The following SEC14L1 variants were observed in gnomAD, a reference collection of about 807,000 sequenced individuals.
SEC14L1 encodes the protein SEC14 like lipid binding 1, also known as SEC14-like protein 1.
Under a neutral mutation model 85.3 loss-of-function variants are expected in SEC14L1, and 48 were observed. The observed-to-expected ratio is 0.56, with a 90% CI of 0.45 to 0.72. The LOEUF is 0.72. Ranked by LOEUF, SEC14L1 falls within the 30% of genes least tolerant of loss-of-function variation. SEC14L1 has a pLI of 0.00. For synonymous variants in SEC14L1, 391 were observed against 355.5 expected (o/e 1.10, Z -1.12); for missense variants, 682 against 921.4 (o/e 0.74, Z 3.36).
Position 77,174,728 on chromosome 17 carries a change from G to T in SEC14L1, c.64-16075G>T, listed in dbSNP as rs189651572. ...AGAGGAGAATGGGAATCCTGGATGG[G>T]CCCCCAGATTGTTGGGAACAAGTAA... On this transcript the variant is annotated intron_variant, in intron 3 of 16. Transcript: ENST00000436233. Among the ~76,000 whole-genome samples the T allele has an allele frequency of 4.3e-3, 658 of 152,248 alleles. 8 individuals carry two copies. The highest frequency in any genetic ancestry group is 0.015 in the African/African-American group (625 of 41,548).
chr17:77,149,505 G>A (rs1973460990), intron 3 of SEC14L1, among the ~76,000 whole-genome samples: 1 of 152,058 alleles, frequency 6.6e-6, no homozygotes, highest in Admixed American at 6.6e-5. Flanking sequence ...AGACCAACTT[G>A]GGCAACATAG....
chr17:77,203,428 G>T (rs757038041), intron 9 of SEC14L1, 142 bp from the exon 10 acceptor site: 5 of 680,206 alleles, frequency 7.4e-6, no homozygotes, highest in Non-Finnish European at 1.3e-5. Flanking sequence ...ACACAAATCA[G>T]TTGCCACTTC....
At position 77,216,474 on chromosome 17, in the gene SEC14L1, T is replaced by A; in HGVS notation, c.*2451T>A. ...GTAGCGCGTCTGTGCTGCTTCCACC[T>A]GGTGCTTCCTGTTCCCAAATCACAA... On this transcript the variant is annotated 3_prime_UTR_variant, in exon 17 of 17. Transcript: ENST00000436233. 1 of 1,612,134 alleles carries A rather than the reference T, an allele frequency of 6.2e-7. No individual in the cohort carries two copies. The highest frequency in any genetic ancestry group is 1.1e-5 in the South Asian group (1 of 91,036).
chr17:77,211,883 G>A (rs562583676), intron 14 of SEC14L1, 67 bp from the exon 15 acceptor site: 16 of 1,581,142 alleles, frequency 1.0e-5, no homozygotes, highest in East Asian at 4.5e-5. Context: ...TGGAGAGCAC[G>A]ATGCGCTCGC....
chr17:77,143,266 C>T (rs1230481653), intron 2 of SEC14L1, among the ~76,000 whole-genome samples: 1 of 152,176 alleles, frequency 6.6e-6, no homozygotes, highest in Admixed American at 6.5e-5. Context: ...CTGGAAAGGA[C>T]TCAGGTCAGG....
At chr17:77,090,969 CAAAA>C (rs760589758) in intron 2 of SEC14L1, among the ~76,000 whole-genome samples, 45 of 89,744 alleles carry the variant, frequency 5.0e-4, no homozygotes, top group South Asian at 4.1e-3. Flanking sequence ...GACCCTGTCT[CAAAA>C]AAAAAAAAAA....
At chr17:77,145,919 C>T (rs944396356) in intron 3 of SEC14L1, among the ~76,000 whole-genome samples, 1 of 152,212 alleles carries the variant, frequency 6.6e-6, no homozygotes, top group Non-Finnish European at 1.5e-5. Context: ...GTGGCTTCAG[C>T]TCGAGGACGT....
chr17:77,119,985 T>A (rs541452138), intron 3 of SEC14L1, among the ~76,000 whole-genome samples: 1 of 152,148 alleles, frequency 6.6e-6, no homozygotes, highest in Non-Finnish European at 1.5e-5. Flanking sequence ...AAGAATACTT[T>A]CCCGTATTGC....
chr17:77,116,935 C>G (rs943710346), intron 3 of SEC14L1, among the ~76,000 whole-genome samples: 5 of 152,154 alleles, frequency 3.3e-5, no homozygotes, highest in Admixed American at 1.3e-4. Context: ...AGGCGGACAC[C>G]CCATCTTTAC....
chr17:77,200,570 G>A lies in SEC14L1; in HGVS notation c.906G>A (p.Leu302=). 1.2e-6 allele frequency: 2 copies of A among 1,614,142 alleles called. 1 individual carries two copies. Among genetic ancestry groups the A allele is most frequent in the South Asian group, 2.2e-5 (2 of 91,070 alleles). ...CCAGAGAGATCATGTGTCAGTCTTT[G>A]ACGTGGAGAAAGCAGCATCAGGTAG... is the stretch of plus-strand genomic sequence containing the variant. ...DKAREIMCQS[L]TWRKQHQVDY... The change falls in exon 9 of 17, where the codon TTG becomes TTA. Residue 302 remains leucine, a synonymous_variant. Coordinates refer to ENST00000436233, the MANE Select transcript of SEC14L1 (RefSeq NM_001143998.2).
chr17:77,213,178 G>T lies in SEC14L1; in HGVS notation c.1864-136G>T. The stretch of plus-strand genomic sequence containing the variant: ...ACCTGCTGCTGAAGCAAAATAGCAG[G>T]TTCTGAATCCCATTGAGATAGTTTC... On this transcript the variant is annotated intron_variant, in intron 15 of 16. Coordinates refer to ENST00000436233, the MANE Select transcript of SEC14L1 (RefSeq NM_001143998.2). This position sits in a 1 kb window ranked among gnomAD's most constrained non-coding sequence, Gnocchi z 7.1. 1.4e-6 allele frequency: 1 copy of T among 738,890 alleles called. No homozygotes were observed. The highest frequency in any genetic ancestry group is 2.2e-6 in the Non-Finnish European group (1 of 462,692). The allele number at this position is 738,890 out of a possible 1,614,324, so 45.8% of individuals were successfully genotyped here.
intron 3 of SEC14L1, among the ~76,000 whole-genome samples, chr17:77,124,200 C>T (rs1972377034): frequency 1.3e-5 from 2 of 152,054 alleles, no homozygotes; most frequent in African/African-American, 4.8e-5. Context: ...ACTGTCTCTA[C>T]AAAAAATATG....
rs548104582 is a variant in SEC14L1, at chr17:77,142,688, G to A, written c.-93G>A. On this transcript the variant is annotated 5_prime_UTR_variant, in exon 2 of 17. Transcript: ENST00000436233. ...TGAGGATATTCAGTTTTGTATGTTT[G>A]AATATCCTCTCACCATGTTCAGCAT... 6.7e-6 allele frequency: 1 copy of A among 149,758 alleles called. No individual in the cohort carries two copies. Among genetic ancestry groups the A allele is most frequent in the East Asian group, 2.0e-4 (1 of 5,086 alleles). The allele number at this position is 149,758 out of a possible 1,614,324, so 9.3% of individuals were successfully genotyped here.
intron 3 of SEC14L1, among the ~76,000 whole-genome samples, chr17:77,102,592 C>G (rs752999820): frequency 7.2e-5 from 11 of 152,030 alleles, no homozygotes; most frequent in African/African-American, 2.4e-4. Flanking sequence ...CAACCTCCCC[C>G]TCCCAGGTTC....
At chr17:77,163,696 C>CT (rs1265639950) in intron 3 of SEC14L1, among the ~76,000 whole-genome samples, 1 of 152,208 alleles carries the variant, frequency 6.6e-6, no homozygotes, top group Non-Finnish European at 1.5e-5. Flanking sequence ...TGTCAAGTTT[C>CT]TTTAAGATCA....
chr17:77,119,670 A>G (rs1391723022), intron 3 of SEC14L1, among the ~76,000 whole-genome samples: 3 of 152,214 alleles, frequency 2.0e-5, no homozygotes, highest in Non-Finnish European at 4.4e-5. Flanking sequence ...GCAGGCAATT[A>G]ATATTTTCAC....
chr17:77,090,304 AAG>A (rs1373144571), intron 2 of SEC14L1, among the ~76,000 whole-genome samples: 10 of 151,814 alleles, frequency 6.6e-5, no homozygotes. Flanking sequence ...AAAAAAAAAA[AAG>A]GGCATAATTC....
At chr17:77,158,830 T>TTTC (rs1973926274) in intron 3 of SEC14L1, among the ~76,000 whole-genome samples, 2 of 108,206 alleles carry the variant, frequency 1.8e-5, no homozygotes, top group Non-Finnish European at 3.7e-5. Flanking sequence ...TTTTTTTTTT[T>TTTC]TGAGACAGTC....
intron 3 of SEC14L1, among the ~76,000 whole-genome samples, chr17:77,118,757 T>G (rs1393590665): frequency 6.6e-6 from 1 of 152,224 alleles, no homozygotes; most frequent in Admixed American, 6.5e-5. Flanking sequence ...GCGGTGCACC[T>G]AGAAGCTGCT....
Sources: allele counts gnomAD v4.1 joint callset (sites outside exome capture counted in the v4.1 genomes callset), GRCh38; gene constraint gnomAD v4.1.1; non-coding constraint Gnocchi (gnomAD v3.1); transcripts MANE v1.5; gene names NCBI Gene and HGNC (gene_info 2026-07-23, HGNC 2026-07-21).